DMXL2: variants seen among roughly 807,000 people sequenced by gnomAD.
The protein encoded by DMXL2 is Dmx like 2, also known as dmX-like protein 2.
DMXL2 carries 103 observed loss-of-function variants against 331.1 expected under a neutral mutation model. The observed-to-expected ratio is 0.31, with a 90% CI of 0.27 to 0.37. The LOEUF (loss-of-function observed/expected upper bound fraction) is 0.37, where lower values mean the gene tolerates loss of function less well. Ranked by LOEUF, DMXL2 falls within the 10% of genes least tolerant of loss-of-function variation. The pLI is 1.00. For missense variants in DMXL2, 3,171 were observed against 3,642.9 expected (o/e 0.87, Z 3.33); for synonymous variants, 1,281 against 1,252.1 (o/e 1.02, Z -0.49).
chr15:51,594,765 C>A (rs1451325535), intron 1 of DMXL2, among the ~76,000 whole-genome samples: 2 of 152,136 alleles, frequency 1.3e-5, no homozygotes, highest in African/African-American at 2.4e-5. Flanking sequence ...TCAACATACG[C>A]AAATCAATAA....
At chr15:51,488,767 G>A (rs1293368433) in intron 20 of DMXL2, 122 bp from the exon 21 acceptor site, 1 of 797,542 alleles carries the variant, frequency 1.3e-6, no homozygotes, top group East Asian at 2.8e-5. Flanking sequence ...GAAAAAGTTG[G>A]TTCTGTTTCA....
In DMXL2 at chr15:51,480,212, G is replaced by C; in HGVS notation, c.6565-73C>G. On this transcript the variant is annotated intron_variant, in intron 24 of 43. Transcript: ENST00000560891. Reference sequence around the variant, plus strand: ...TATCAGTTCTCTGACAGAAATACTGGTGATAAACATTGTGTAAAGGGAATA... The same window carrying C: ...TATCAGTTCTCTGACAGAAATACTGCTGATAAACATTGTGTAAAGGGAATA... The C allele has an allele frequency of 8.9e-6, 12 of 1,350,706 alleles. 1 individual carries two copies. The highest frequency in any genetic ancestry group is 1.1e-5 in the Non-Finnish European group (11 of 996,020). 83.7% of individuals were successfully genotyped at this position (1,350,706 alleles called of 1,614,324 possible). A position where few individuals can be genotyped will look rare whatever the true frequency, so the allele number is the denominator to read the frequency against.
intron 17 of DMXL2, 44 bp downstream of exon 17, chr15:51,502,762 T>G: frequency 7.5e-7 from 1 of 1,326,340 alleles, no homozygotes; most frequent in African/African-American, 1.4e-5. Context: ...TTCATATATT[T>G]TATCACTCTG....
intron 29 of DMXL2, among the ~76,000 whole-genome samples, chr15:51,470,184 G>C (rs767975204): frequency 6.6e-6 from 1 of 152,050 alleles, no homozygotes; most frequent in Non-Finnish European, 1.5e-5. Flanking sequence ...CACCCAGGCT[G>C]GTGTGCAGTG....
intron 6 of DMXL2, among the ~76,000 whole-genome samples, chr15:51,558,976 T>C (rs2049780777): frequency 6.6e-6 from 1 of 152,174 alleles, no homozygotes; most frequent in African/African-American, 2.4e-5. Flanking sequence ...TTTAAAAACA[T>C]CATACTACGA....
chr15:51,592,266 G>A (rs751832450), intron 1 of DMXL2, among the ~76,000 whole-genome samples: 29 of 152,112 alleles, frequency 1.9e-4, no homozygotes, highest in Non-Finnish European at 3.4e-4. Context: ...ACTACATGAC[G>A]AATGCACAAG....
chr15:51,521,253 G>A (rs1447674979), intron 13 of DMXL2, among the ~76,000 whole-genome samples: 15 of 152,064 alleles, frequency 9.9e-5, no homozygotes, highest in African/African-American at 3.6e-4. Flanking sequence ...ACTAAACTGG[G>A]ACAAGTAATT....
Position 51,487,960 on chromosome 15 carries a change from G to A in DMXL2, c.5211C>T (p.Ala1737=). 1 of 1,607,256 alleles carries A rather than the reference G, an allele frequency of 6.2e-7. No homozygotes were observed. The highest frequency in any genetic ancestry group is 8.5e-7 in the Non-Finnish European group (1 of 1,177,558). ...TGTGTTTTCTTATTTATACCTCTAT[G>A]GCATCTTTCAATGAACCAGCTAGCA... is the stretch of plus-strand genomic sequence containing the variant. ...FFLLAGSLKD[A]IEVCLEKMED... The change falls in exon 22 of 44, where the codon GCC becomes GCT. Residue 1737 remains alanine (A), a synonymous_variant. Coordinates refer to ENST00000560891, the MANE Select transcript of DMXL2 (RefSeq NM_001378457.1).
At chr15:51,498,015 T>C (rs934159043) in intron 18 of DMXL2, among the ~76,000 whole-genome samples, 13 of 152,178 alleles carry the variant, frequency 8.5e-5, no homozygotes, top group African/African-American at 2.9e-4. Flanking sequence ...GGAGGACTGC[T>C]TGAGCTCAGG....
intron 16 of DMXL2, among the ~76,000 whole-genome samples, chr15:51,505,057 A>C (rs943848763): frequency 6.6e-6 from 1 of 152,206 alleles, no homozygotes; most frequent in Non-Finnish European, 1.5e-5. Context: ...ATCTATTCAC[A>C]TATATAAAGC....
intron 28 of DMXL2, among the ~76,000 whole-genome samples, chr15:51,471,795 G>A (rs1213531239): frequency 1.3e-5 from 2 of 152,138 alleles, no homozygotes; most frequent in Non-Finnish European, 2.9e-5. Context: ...AAGTTCAATG[G>A]GAAAATGGAA....
intron 1 of DMXL2, among the ~76,000 whole-genome samples, chr15:51,615,104 T>C (rs948048162): frequency 6.6e-6 from 1 of 152,076 alleles, no homozygotes; most frequent in African/African-American, 2.4e-5. Flanking sequence ...ACAAGGAAAG[T>C]AAAGAAAAGT....
At chr15:51,486,738 A>C (rs1223262619) in intron 22 of DMXL2, among the ~76,000 whole-genome samples, 1 of 152,186 alleles carries the variant, frequency 6.6e-6, no homozygotes, top group African/African-American at 2.4e-5. Flanking sequence ...ATAGTAAATA[A>C]ATTATGAAAT....
Position 51,565,081 on chromosome 15 carries a change from T to G in DMXL2, c.364+7A>C. On this transcript the variant is annotated splice_region_variant and intron_variant, in intron 4 of 43. Transcript: ENST00000560891. ...TTTAAATAATTTTAAATACAATTGC[T>G]AAATACCTTGAGGATCCCATGCTAA... The G allele has an allele frequency of 6.7e-7, 1 of 1,485,650 alleles. No homozygotes were observed. The allele number at this position is 1,485,650 out of a possible 1,614,324, so 92.0% of individuals were successfully genotyped here. A position where few individuals can be genotyped will look rare whatever the true frequency, so the allele number is the denominator to read the frequency against.
At chr15:51,476,192 T>C (rs147249922) in intron 27 of DMXL2, among the ~76,000 whole-genome samples, 1 of 152,254 alleles carries the variant, frequency 6.6e-6, no homozygotes, top group East Asian at 1.9e-4. Context: ...TACCACAGAA[T>C]AGTCACTCCT....
chr15:51,459,513 G>A, intron 34 of DMXL2, 85 bp downstream of exon 34: 1 of 1,135,938 alleles, frequency 8.8e-7, no homozygotes, highest in Non-Finnish European at 1.2e-6. Context: ...TAGCCAGTTG[G>A]GCAGGTCATG....
Position 51,481,014 on chromosome 15 carries a change from C to G in DMXL2, c.6092G>C (p.Gly2031Ala). The change falls in exon 24 of 44, where the codon GGT becomes GCT. Residue 2031 changes from glycine (G) to alanine (A), a missense_variant. Gly to Ala is a moderately conservative substitution (Grantham distance 60). Around this residue, in one of 7 missense-constraint regions of DMXL2, gnomAD observed 244 missense variants for 251.4 expected, o/e 0.97. Coordinates refer to ENST00000560891, the MANE Select transcript of DMXL2 (RefSeq NM_001378457.1). ...LTPQEEDDPE[G>A]DTEVDVIAEQ... ...AGCAATCACATCAACTTCAGTATCA[C>G]CTTCAGGATCATCCTCTTCCTGAGG... is the stretch of plus-strand genomic sequence containing the variant. The G allele has an allele frequency of 6.2e-7, 1 of 1,614,162 alleles. No homozygotes were observed. Among genetic ancestry groups the G allele is most frequent in the South Asian group, 1.1e-5 (1 of 91,074 alleles).
chr15:51,566,511 T>TTG (rs1205292148), intron 3 of DMXL2, among the ~76,000 whole-genome samples: 23 of 152,118 alleles, frequency 1.5e-4, no homozygotes, highest in African/African-American at 4.3e-4. Flanking sequence ...GTGGAGCAAC[T>TTG]ACCTTGAAGA....
intron 1 of DMXL2, among the ~76,000 whole-genome samples, chr15:51,595,698 T>A (rs1006684114): frequency 3.9e-5 from 6 of 152,022 alleles, no homozygotes; most frequent in Admixed American, 3.9e-4. Context: ...ACCAAAACAG[T>A]ATGGTACTGG....
Sources: gnomAD v4.1 joint callset for allele counts (sites outside exome capture counted in the v4.1 genomes callset) on GRCh38, gnomAD v4.1.1 for gene constraint, gnomAD v4.1.1 regional missense constraint, MANE v1.5 for transcripts, NCBI Gene and HGNC (gene_info 2026-07-23, HGNC 2026-07-21) for gene names.